RAB39A: variants seen among roughly 807,000 people sequenced by gnomAD.
RAB39A encodes the protein RAB39A, member RAS oncogene family, also known as ras-related protein Rab-39A.
Under a neutral mutation model 20.9 loss-of-function variants are expected in RAB39A, and 17 were observed. That is an observed-to-expected ratio of 0.81 (90% CI 0.56 to 1.22). RAB39A has a LOEUF of 1.22. Among genes scored for constraint, RAB39A ranks in the 50% most tolerant of loss-of-function variants. The pLI is 0.00. For missense variants in RAB39A, 234 were observed against 270.5 expected (o/e 0.87, Z 0.95); for synonymous variants, 99 against 103.4 (o/e 0.96, Z 0.26).
chr11:107,937,987 G>C (rs2134953925), intron 1 of RAB39A, among the ~76,000 whole-genome samples: 1 of 152,154 alleles, frequency 6.6e-6, no homozygotes, highest in African/African-American at 2.4e-5. Context: ...CACTTTTTTG[G>C]AAAGAGAAAT....
chr11:107,931,868 T>C (rs930601844), intron 1 of RAB39A, among the ~76,000 whole-genome samples: 2 of 147,356 alleles, frequency 1.4e-5, no homozygotes, highest in African/African-American at 5.0e-5. Context: ...TCCTTCTTTT[T>C]TTTTTTTTTT....
chr11:107,949,944 G>A (rs546970861), intron 1 of RAB39A, among the ~76,000 whole-genome samples: 12 of 151,860 alleles, frequency 7.9e-5, no homozygotes, highest in Non-Finnish European at 1.6e-4. Context: ...AGGCCGAGGC[G>A]GGCGTATTAC....
intron 1 of RAB39A, among the ~76,000 whole-genome samples, chr11:107,934,781 T>G: frequency 6.6e-6 from 1 of 151,490 alleles, no homozygotes; most frequent in Non-Finnish European, 1.5e-5. Context: ...ATACAAAAAT[T>G]AGCCAGGCGT....
chr11:107,928,543 C>A lies in RAB39A; in HGVS notation c.-26C>A. On this transcript the variant is annotated 5_prime_UTR_variant, in exon 1 of 2. Coordinates refer to ENST00000320578, the MANE Select transcript of RAB39A (RefSeq NM_017516.3). This position sits in a 1 kb window ranked among gnomAD's most constrained non-coding sequence, Gnocchi z 4.9. ...GAACTTAGCCCGCGGGTGGGGCGGC[C>A]CGGGAGCCAGCGGGGCACGTGAGCG... is the stretch of plus-strand genomic sequence containing the variant. The A allele has an allele frequency of 7.0e-7, 1 of 1,426,432 alleles. No individual in the cohort carries two copies. The highest frequency in any genetic ancestry group is 9.3e-7 in the Non-Finnish European group (1 of 1,070,644). The allele number at this position is 1,426,432 out of a possible 1,614,324, so 88.4% of individuals were successfully genotyped here.
Position 107,962,530 on chromosome 11 carries a change from A to G in RAB39A, c.*158A>G. On this transcript the variant is annotated 3_prime_UTR_variant, in exon 2 of 2. Coordinates refer to ENST00000320578, the MANE Select transcript of RAB39A (RefSeq NM_017516.3). The stretch of plus-strand genomic sequence containing the variant: ...GTATTTGATTCAGAGCATGATGCTT[A>G]CTTGTTACACTACTAGATTGGGTAT... The G allele has an allele frequency of 3.0e-6, 2 of 658,474 alleles. No homozygotes were observed. Among genetic ancestry groups the G allele is most frequent in the Non-Finnish European group, 4.8e-6 (2 of 413,888 alleles). 40.8% of individuals were successfully genotyped at this position (658,474 alleles called of 1,614,324 possible).
chr11:107,950,312 T>A (rs1015684714), intron 1 of RAB39A, among the ~76,000 whole-genome samples: 2 of 152,234 alleles, frequency 1.3e-5, no homozygotes, highest in Non-Finnish European at 1.5e-5. Flanking sequence ...AAGCTTTTTT[T>A]ATATTTCTCT....
At chr11:107,946,974 G>C (rs1861325771) in intron 1 of RAB39A, among the ~76,000 whole-genome samples, 1 of 151,742 alleles carries the variant, frequency 6.6e-6, no homozygotes, top group African/African-American at 2.4e-5. Flanking sequence ...GGAGGCGGAG[G>C]TTGCTGTGTG....
chr11:107,962,126 A>G lies in RAB39A; in HGVS notation c.408A>G (p.Gln136=). The change falls in exon 2 of 2, where the codon CAA becomes CAG. Residue 136 remains glutamine, a synonymous_variant. Transcript: ENST00000320578. ...GHKCDLASQR[Q]VTREEAEKLS... is the part of the protein sequence containing the mutation. Reference sequence around the variant, plus strand: ...AATGTGATTTAGCTTCACAACGTCAAGTTACAAGGGAAGAAGCTGAAAAAC... The same window carrying G: ...AATGTGATTTAGCTTCACAACGTCAGGTTACAAGGGAAGAAGCTGAAAAAC... 1.9e-6 allele frequency: 3 copies of G among 1,614,202 alleles called. No individual in the cohort carries two copies. The highest frequency in any genetic ancestry group is 1.1e-5 in the South Asian group (1 of 91,082).
At chr11:107,947,026 T>G (rs1270832446) in intron 1 of RAB39A, among the ~76,000 whole-genome samples, 4 of 150,554 alleles carry the variant, frequency 2.7e-5, no homozygotes, top group Non-Finnish European at 5.9e-5. Context: ...ATAGCAAAAC[T>G]AAAACACTCA....
At chr11:107,946,467 T>A (rs1861319568) in intron 1 of RAB39A, among the ~76,000 whole-genome samples, 2 of 38,760 alleles carry the variant, frequency 5.2e-5, no homozygotes, top group East Asian at 1.2e-3. Context: ...TATATTTTTT[T>A]TTTTTTTTTT....
intron 1 of RAB39A, among the ~76,000 whole-genome samples, chr11:107,948,443 A>C (rs1257073671): frequency 6.6e-6 from 1 of 152,108 alleles, no homozygotes; most frequent in Non-Finnish European, 1.5e-5. Context: ...GGATTTGAGC[A>C]GAAGTTGCAT....
intron 1 of RAB39A, among the ~76,000 whole-genome samples, chr11:107,960,759 C>T (rs560454532): frequency 6.6e-6 from 1 of 152,224 alleles, no homozygotes; most frequent in East Asian, 1.9e-4. Flanking sequence ...ACAGCTGTAG[C>T]CATGGGAGAG....
At chr11:107,946,340 A>T (rs1429180271) in intron 1 of RAB39A, among the ~76,000 whole-genome samples, 1 of 141,180 alleles carries the variant, frequency 7.1e-6, no homozygotes, top group Non-Finnish European at 1.5e-5. Flanking sequence ...ACACACACAC[A>T]CACATATATA....
chr11:107,938,355 G>A (rs12790273), intron 1 of RAB39A, among the ~76,000 whole-genome samples: 15,491 of 101,206 alleles, frequency 0.15, 1,172 homozygotes, highest in Middle Eastern at 0.24. Context: ...GCAAGACTCC[G>A]TCTCAAAAAA....
chr11:107,933,660 C>T (rs1237447669), intron 1 of RAB39A, among the ~76,000 whole-genome samples: 2 of 149,816 alleles, frequency 1.3e-5, no homozygotes, highest in Non-Finnish European at 3.0e-5. Flanking sequence ...GCATGAGCTA[C>T]TGTGCCTCAC....
At chr11:107,956,600 C>T (rs1861439281) in intron 1 of RAB39A, among the ~76,000 whole-genome samples, 1 of 152,182 alleles carries the variant, frequency 6.6e-6, no homozygotes, top group Admixed American at 6.5e-5. Flanking sequence ...TTGAATGGAA[C>T]TTCCATTTCT....
chr11:107,943,570 CAA>C (rs1306320458), intron 1 of RAB39A, among the ~76,000 whole-genome samples: 13 of 56,526 alleles, frequency 2.3e-4, no homozygotes, highest in Middle Eastern at 0.011. Flanking sequence ...GACTCCGTCT[CAA>C]AAAAAAAAAA....
At chr11:107,935,390 T>C (rs922837731) in intron 1 of RAB39A, among the ~76,000 whole-genome samples, 3 of 151,810 alleles carry the variant, frequency 2.0e-5, no homozygotes, top group Admixed American at 6.6e-5. Flanking sequence ...TTTTTTTTTT[T>C]TGGAGACAGA....
Position 107,934,929 on chromosome 11 carries a change from C to CAA in RAB39A, c.227+6155_227+6156dup, listed in dbSNP as rs55682157. 3.5e-3 allele frequency among the ~76,000 whole-genome samples: 354 copies of CAA among 101,434 alleles called. 1 individual carries two copies. The highest frequency in any genetic ancestry group is 8.0e-3 in the African/African-American group (210 of 26,330). The allele number at this position is 101,434 out of a possible 152,430, so 66.5% of individuals were successfully genotyped here. Reference sequence around the variant, plus strand: ...GGGGGACAAGAGCGAGACTTCGTCTCAAAAAAAAAAAAAAAAAAAAAATAG... The same window carrying CAA: ...GGGGGACAAGAGCGAGACTTCGTCTCAAAAAAAAAAAAAAAAAAAAAAAATAG... On this transcript the variant is annotated intron_variant, in intron 1 of 1. Coordinates refer to ENST00000320578, the MANE Select transcript of RAB39A (RefSeq NM_017516.3).
Sources: allele counts gnomAD v4.1 joint callset (sites outside exome capture counted in the v4.1 genomes callset), GRCh38; gene constraint gnomAD v4.1.1; non-coding constraint Gnocchi (gnomAD v3.1); transcripts MANE v1.5; gene names NCBI Gene and HGNC (gene_info 2026-07-23, HGNC 2026-07-21).